C19orf38: variants seen among roughly 807,000 people sequenced by gnomAD.
The protein encoded by C19orf38 is chromosome 19 open reading frame 38.
Under a neutral mutation model 26.6 loss-of-function variants are expected in C19orf38, and 14 were observed. That is an observed-to-expected ratio of 0.53 (90% confidence interval 0.35 to 0.82). The LOEUF (loss-of-function observed/expected upper bound fraction) is 0.82, where lower values mean the gene tolerates loss of function less well. C19orf38 is among the 40% of genes least tolerant of loss of function. The pLI is 0.01. For missense variants in C19orf38, 261 were observed against 299.5 expected (o/e 0.87, Z 0.95); for synonymous variants, 132 against 128.5 (o/e 1.03, Z -0.18).
chr19:10,852,732 G>A (rs1347107445), intron 2 of C19orf38, among the ~76,000 whole-genome samples: 1 of 152,136 alleles, frequency 6.6e-6, no homozygotes, highest in Admixed American at 6.6e-5. Flanking sequence ...GGGGCAGGGA[G>A]TTCACCAGGA....
At chr19:10,838,491 TGTAGTTCCAAAACATTTTCATC>T (rs1209739529) in intron 1 of C19orf38, among the ~76,000 whole-genome samples, 2 of 152,330 alleles carry the variant, frequency 1.3e-5, no homozygotes, top group East Asian at 1.9e-4. Context: ...GTGACTTCTA[TGTAGTTCCAAAACATTTTCATC>T]GGCTCAGTAA....
At chr19:10,858,371 G>T (rs2073653540) in intron 4 of C19orf38, 28 bp downstream of exon 4, 2 of 1,537,908 alleles carry the variant, frequency 1.3e-6, no homozygotes. Context: ...GACCCACAGA[G>T]GGTGGTTTGG....
intron 6 of C19orf38, among the ~76,000 whole-genome samples, chr19:10,866,882 C>A (rs962131926): frequency 6.6e-6 from 1 of 151,982 alleles, no homozygotes; most frequent in Non-Finnish European, 1.5e-5. Context: ...CTCAGGTGAT[C>A]CACCCACCTC....
chr19:10,838,939 G>A (rs1275511698), intron 1 of C19orf38, among the ~76,000 whole-genome samples: 1 of 149,364 alleles, frequency 6.7e-6, no homozygotes, highest in Non-Finnish European at 1.5e-5. Context: ...TTTTGAGACA[G>A]AGTCTTGCCC....
At position 10,869,697 on chromosome 19, in the gene C19orf38, C is replaced by T. The variant is rs1472240358; in HGVS notation, c.*330C>T. ...ACACCCGTGGAATTCCTCCCTTCCC[C>T]AGTGGGTTTTTGAGCATAGGGTGCC... On this transcript the variant is annotated 3_prime_UTR_variant, in exon 7 of 7. Transcript: ENST00000397820. The T allele has an allele frequency of 3.5e-6, 1 of 285,736 alleles. No individual in the cohort carries two copies. Among genetic ancestry groups the T allele is most frequent in the Non-Finnish European group, 6.5e-6 (1 of 154,806 alleles). 17.7% of individuals were successfully genotyped at this position (285,736 alleles called of 1,614,324 possible). A position where few individuals can be genotyped will look rare whatever the true frequency, so the allele number is the denominator to read the frequency against.
At chr19:10,866,391 A>T (rs1391284275) in intron 6 of C19orf38, among the ~76,000 whole-genome samples, 1 of 142,122 alleles carries the variant, frequency 7.0e-6, no homozygotes, top group Non-Finnish European at 1.5e-5. Flanking sequence ...TTTTTAGTAG[A>T]AGCGGAGTTT....
chr19:10,848,101 G>T (rs1030240471), upstream of C19orf38, among the ~76,000 whole-genome samples: 1 of 152,146 alleles, frequency 6.6e-6, no homozygotes, highest in Non-Finnish European at 1.5e-5. Flanking sequence ...TGAGGCAGGA[G>T]AATCACTCGA....
chr19:10,844,709 G>C (rs1191604690), upstream of C19orf38, among the ~76,000 whole-genome samples: 1 of 151,826 alleles, frequency 6.6e-6, no homozygotes, highest in African/African-American at 2.4e-5. Context: ...TTAGCCGGGC[G>C]TGGTGGCGGT....
In C19orf38 at chr19:10,869,379, G is replaced by C; in HGVS notation, c.*12G>C. The C allele has an allele frequency of 6.5e-7, 1 of 1,543,444 alleles. No homozygotes were observed. Among genetic ancestry groups the C allele is most frequent in the Non-Finnish European group, 8.7e-7 (1 of 1,143,590 alleles). On this transcript the variant is annotated 3_prime_UTR_variant, in exon 7 of 7. Transcript: ENST00000397820. ...GGGCCTGCCAGTGAGGCTGAGGACT[G>C]GGGGACCCCTCTGTCTCCAGGCATT... is the stretch of plus-strand genomic sequence containing the variant.
intron 2 of C19orf38, among the ~76,000 whole-genome samples, chr19:10,852,609 G>C (rs2073584087): frequency 2.0e-5 from 3 of 152,212 alleles, no homozygotes; most frequent in Admixed American, 1.3e-4. Flanking sequence ...GGCATGTGTT[G>C]CAGGCAGAGG....
chr19:10,856,273 T>G lies in C19orf38; in HGVS notation c.349T>G (p.Trp117Gly), dbSNP rs1489481764. Residue 117 changes from tryptophan to glycine, a missense_variant, in exon 3 of 7, where the codon TGG becomes GGG. Trp to Gly is a radical substitution (Grantham distance 184). Transcript: ENST00000397820. Reference sequence around the variant, plus strand: ...TTCTGATTTTCCTCCAGTGCCCACTTGGATCTTGGTGCTCTCCCTGAGCCT... The same window carrying G: ...TTCTGATTTTCCTCCAGTGCCCACTGGGATCTTGGTGCTCTCCCTGAGCCT... ...PVNVSFPVPTWILVLSLSLAG... is the reference protein window; with the variant it reads ...PVNVSFPVPTGILVLSLSLAG... 6.4e-7 allele frequency: 1 copy of G among 1,550,812 alleles called. No individual in the cohort carries two copies.
At chr19:10,838,779 A>G (rs2073457240) in intron 1 of C19orf38, among the ~76,000 whole-genome samples, 3 of 152,218 alleles carry the variant, frequency 2.0e-5, no homozygotes, top group Admixed American at 2.0e-4. Flanking sequence ...AGCCTGATTT[A>G]CATAGGGGAT....
intron 6 of C19orf38, among the ~76,000 whole-genome samples, chr19:10,866,130 T>C (rs1450660558): frequency 6.6e-6 from 1 of 151,512 alleles, no homozygotes; most frequent in Non-Finnish European, 1.5e-5. Flanking sequence ...CCTCCCCCCC[T>C]GGGTTCAAGT....
At chr19:10,862,591 A>T (rs904360748) in intron 5 of C19orf38, among the ~76,000 whole-genome samples, 1 of 151,922 alleles carries the variant, frequency 6.6e-6, no homozygotes, top group Non-Finnish European at 1.5e-5. Context: ...GCATTTTGGG[A>T]GGCCGAGGCA....
chr19:10,836,729 A>G (rs1221604412), exon 1 of C19orf38: 1 of 152,870 alleles, frequency 6.5e-6, no homozygotes, highest in Non-Finnish European at 1.5e-5. Flanking sequence ...TCCAGGTTCG[A>G]CGCCTTTTGC....
Position 10,869,511 on chromosome 19 carries a change from T to A in C19orf38, c.*144T>A. The A allele has an allele frequency of 8.3e-7, 1 of 1,209,474 alleles. No individual in the cohort carries two copies. The highest frequency in any genetic ancestry group is 1.1e-6 in the Non-Finnish European group (1 of 895,940). 74.9% of individuals were successfully genotyped at this position (1,209,474 alleles called of 1,614,324 possible). On this transcript the variant is annotated 3_prime_UTR_variant, in exon 7 of 7. Transcript: ENST00000397820. The stretch of plus-strand genomic sequence containing the variant: ...GGGAACCCTGGCCTTGGGATTTTCA[T>A]CACAGAGGAGTGGGAGAGGGGACAC...
Position 10,869,283 on chromosome 19 carries a change from C to T in C19orf38, c.609C>T (p.Ser203=). 1.3e-6 allele frequency: 2 copies of T among 1,551,672 alleles called. No homozygotes were observed. The highest frequency in any genetic ancestry group is 8.7e-7 in the Non-Finnish European group (1 of 1,146,964). The change falls in exon 7 of 7, where the codon AGC becomes AGT. Residue 203 remains serine (S), a synonymous_variant. Coordinates refer to ENST00000397820, the MANE Select transcript of C19orf38 (RefSeq NM_001136482.3). The part of the protein sequence containing the change: ...DDHSGTTATP[S]NSRTRKRPTS... The stretch of plus-strand genomic sequence containing the variant: ...ACTCAGGCACCACTGCCACCCCCAG[C>T]AACTCCAGGACCCGGAAGAGGCCCA...
chr19:10,868,853 C>G (rs187765085), intron 6 of C19orf38, among the ~76,000 whole-genome samples: 1 of 152,216 alleles, frequency 6.6e-6, no homozygotes, highest in South Asian at 2.1e-4. Context: ...GAAGAGCTTA[C>G]GATGTGCCAT....
rs2073556041 is a variant in C19orf38, at chr19:10,850,269, G to GC, written c.42_43insC (p.Ile15HisfsTer59). ...CCCTCTGCATTGCAGGCTCCTTGGCGATCCCAGCACCATCCATCCGGCTGG... is the reference window on the plus strand; with the variant it reads ...CCCTCTGCATTGCAGGCTCCTTGGCGCATCCCAGCACCATCCATCCGGCTGG... On this transcript the variant is annotated frameshift_variant, in exon 2 of 7. Coordinates refer to ENST00000397820, the MANE Select transcript of C19orf38 (RefSeq NM_001136482.3). LOFTEE classifies it high-confidence loss of function. The GC allele has an allele frequency of 1.7e-5, 27 of 1,549,540 alleles. No homozygotes were observed. Among genetic ancestry groups the GC allele is most frequent in the South Asian group, 1.5e-4 (13 of 83,942 alleles).
Sources: allele counts gnomAD v4.1 joint callset (sites outside exome capture counted in the v4.1 genomes callset), GRCh38; gene constraint gnomAD v4.1.1; transcripts MANE v1.5; gene names NCBI Gene and HGNC (gene_info 2026-07-23, HGNC 2026-07-21).